The following RANBP17 variants were observed in gnomAD, a reference collection of about 807,000 sequenced individuals.
RANBP17 encodes ran-binding protein 17.
Under a neutral mutation model 141.2 loss-of-function variants are expected in RANBP17, and 158 were observed. That is an observed-to-expected ratio of 1.12 (90% CI 0.98 to 1.28). The LOEUF (loss-of-function observed/expected upper bound fraction) is 1.28. Among genes scored for constraint, RANBP17 ranks in the 50% most tolerant of loss-of-function variants. The pLI, the probability that RANBP17 is intolerant of heterozygous loss-of-function variation, is 0.00. For missense variants in RANBP17, 1,438 were observed against 1,290.7 expected, an observed-to-expected ratio of 1.11 and a Z score of -1.75; for synonymous variants, 430 against 450.0, an observed-to-expected ratio of 0.96 and a Z score of 0.56.
Position 170,881,815 on chromosome 5 carries a change from G to A in RANBP17, c.175G>A (p.Ala59Thr). The A allele has an allele frequency of 2.5e-6, 4 of 1,602,850 alleles. No individual in the cohort carries two copies. The highest frequency in any genetic ancestry group is 3.4e-6 in the Non-Finnish European group (4 of 1,173,452). Reference sequence around the variant, plus strand: ...AAATTATTCTTTACAGACATCCTATGCTCAGCTCCTTGCAGCAACATGTCT... The same window carrying A: ...AAATTATTCTTTACAGACATCCTATACTCAGCTCCTTGCAGCAACATGTCT... ...LLLEQGTTSY[A>T]QLLAATCLSK... Residue 59 changes from alanine to threonine, a missense_variant, in exon 3 of 28, where the codon GCT (alanine) becomes ACT (threonine). Transcript: ENST00000523189.
intron 22 of RANBP17, among the ~76,000 whole-genome samples, chr5:171,222,963 G>A (rs1459466991): frequency 6.6e-6 from 1 of 152,086 alleles, no homozygotes; most frequent in Non-Finnish European, 1.5e-5. Flanking sequence ...GAAACAAATT[G>A]TACAAAATTT....
At chr5:171,191,548 G>A (rs368512617) in intron 18 of RANBP17, among the ~76,000 whole-genome samples, 4 of 152,042 alleles carry the variant, frequency 2.6e-5, no homozygotes, top group South Asian at 4.1e-4. Context: ...TTAGCCAGGC[G>A]TCATGGCGGG....
At chr5:171,139,142 A>G (rs1405919473) in intron 14 of RANBP17, among the ~76,000 whole-genome samples, 1 of 152,136 alleles carries the variant, frequency 6.6e-6, no homozygotes, top group South Asian at 2.1e-4. Context: ...GTAAATAACA[A>G]TTTACAAGTA....
intron 3 of RANBP17, among the ~76,000 whole-genome samples, chr5:170,890,352 G>A (rs1769495221): frequency 6.6e-6 from 1 of 152,106 alleles, no homozygotes; most frequent in African/African-American, 2.4e-5. Context: ...TGATTCGTAG[G>A]AGAAACTTCT....
At chr5:171,192,302 C>T (rs1340918692) in intron 18 of RANBP17, among the ~76,000 whole-genome samples, 1 of 152,120 alleles carries the variant, frequency 6.6e-6, no homozygotes, top group Non-Finnish European at 1.5e-5. Context: ...ATAATTAAGA[C>T]TAATTAGCTG....
At chr5:171,177,319 T>C (rs1289417004) in intron 16 of RANBP17, among the ~76,000 whole-genome samples, 4 of 152,182 alleles carry the variant, frequency 2.6e-5, no homozygotes, top group Non-Finnish European at 5.9e-5. Flanking sequence ...TTCACAAAAT[T>C]ACGTACCTTG....
intron 14 of RANBP17, among the ~76,000 whole-genome samples, chr5:171,105,108 C>G (rs182988082): frequency 6.6e-6 from 1 of 151,852 alleles, no homozygotes; most frequent in Admixed American, 6.6e-5. Flanking sequence ...TCCAGCCGGG[C>G]GCGGTGGCTC....
chr5:171,146,870 A>G (rs1464164067), intron 14 of RANBP17, among the ~76,000 whole-genome samples: 1 of 152,230 alleles, frequency 6.6e-6, no homozygotes, highest in South Asian at 2.1e-4. Flanking sequence ...TACAGTTGCT[A>G]GAGTTGAATT....
intron 14 of RANBP17, among the ~76,000 whole-genome samples, chr5:171,060,788 G>A (rs1419784925): frequency 6.6e-6 from 1 of 152,044 alleles, no homozygotes; most frequent in Non-Finnish European, 1.5e-5. Flanking sequence ...GAATCCATCT[G>A]GTCCTGGACT....
At chr5:171,112,605 T>C (rs774723956) in intron 14 of RANBP17, among the ~76,000 whole-genome samples, 46 of 152,056 alleles carry the variant, frequency 3.0e-4, no homozygotes, top group Non-Finnish European at 5.4e-4. Flanking sequence ...TTGACGGATC[T>C]GGTAAAGGAA....
chr5:171,178,693 A>G (rs1201150881), intron 16 of RANBP17, among the ~76,000 whole-genome samples: 1 of 152,018 alleles, frequency 6.6e-6, no homozygotes, highest in African/African-American at 2.4e-5. Context: ...TTGTTTCCTG[A>G]CTTTTTAATG....
rs967954666 is a variant in RANBP17 at position 170,916,575 on chromosome 5, A to G, written c.945A>G (p.Glu315=). 1 of 1,556,644 alleles carries G rather than the reference A, an allele frequency of 6.4e-7. No homozygotes were observed. Among genetic ancestry groups the G allele is most frequent in the African/African-American group, 1.4e-5 (1 of 73,332 alleles). The change falls in exon 9 of 28, where the codon GAA becomes GAG. Residue 315 remains glutamate (E), a synonymous_variant. Coordinates refer to ENST00000523189, the MANE Select transcript of RANBP17 (RefSeq NM_022897.5). ...TTAAGGGAGTAAAAAGGATACTTGAAAACCCTCAGGTATTTATGAAGTAAT... is the reference window on the plus strand; with the variant it reads ...TTAAGGGAGTAAAAAGGATACTTGAGAACCCTCAGGTATTTATGAAGTAAT... The part of the protein sequence containing the change: ...NLIKGVKRIL[E]NPQGLSDPGN...
intron 5 of RANBP17, among the ~76,000 whole-genome samples, chr5:170,901,520 A>G (rs1422456309): frequency 1.3e-5 from 2 of 152,172 alleles, no homozygotes; most frequent in Non-Finnish European, 2.9e-5. Flanking sequence ...GCCCATTTAC[A>G]TTTAAGGTTA....
intron 12 of RANBP17, among the ~76,000 whole-genome samples, chr5:170,951,765 C>G (rs1712342620): frequency 6.6e-6 from 1 of 151,956 alleles, no homozygotes; most frequent in African/African-American, 2.4e-5. Context: ...AAGTGATAGG[C>G]TCATGGATTG....
At chr5:171,208,585 C>A (rs1382759985) in intron 20 of RANBP17, among the ~76,000 whole-genome samples, 2 of 152,064 alleles carry the variant, frequency 1.3e-5, no homozygotes, top group Non-Finnish European at 2.9e-5. Flanking sequence ...CTGTTAAAAT[C>A]TGATCATTGA....
In RANBP17 at chr5:171,131,228, A is replaced by G. The variant is rs181257345; in HGVS notation, c.1711-38902A>G. Among the ~76,000 whole-genome samples the G allele has an allele frequency of 1.5e-4, 23 of 152,356 alleles. No individual in the cohort carries two copies. The East Asian group carries it at 4.2e-3, about 28-fold the overall frequency. On this transcript the variant is annotated intron_variant, in intron 14 of 27. Coordinates refer to ENST00000523189, the MANE Select transcript of RANBP17 (RefSeq NM_022897.5). ...CAAAATATTAGTTCTTTTTCCATAT[A>G]AAATATAAAATTCTCCTTAAAAATA... is the stretch of plus-strand genomic sequence containing the variant.
intron 13 of RANBP17, among the ~76,000 whole-genome samples, chr5:170,965,301 C>T (rs1251312596): frequency 6.6e-6 from 1 of 150,994 alleles, no homozygotes; most frequent in African/African-American, 2.4e-5. Flanking sequence ...GATATTAGCC[C>T]TTTGTCAGAT....
chr5:171,293,774 C>A, intron 25 of RANBP17, 109 bp from the exon 26 acceptor site: 2 of 813,750 alleles, frequency 2.5e-6, no homozygotes, highest in South Asian at 1.5e-5. Context: ...AAAGAGCTTT[C>A]ATAGCTGTTA....
intron 5 of RANBP17, chr5:170,897,038 AT>A: frequency 1.1e-6 from 1 of 937,048 alleles, no homozygotes; most frequent in Non-Finnish European, 1.7e-6. Context: ...AAAGGAATCT[AT>A]TATGAGGCAA....
Sources: gnomAD v4.1 joint callset for allele counts (sites outside exome capture counted in the v4.1 genomes callset) on GRCh38, gnomAD v4.1.1 for gene constraint, MANE v1.5 for transcripts, NCBI Gene and HGNC (gene_info 2026-07-23, HGNC 2026-07-21) for gene names.